CACNA2D3: variants seen among roughly 807,000 people sequenced by gnomAD.
The protein encoded by CACNA2D3 is voltage-dependent calcium channel subunit alpha-2/delta-3.
In CACNA2D3, 60 loss-of-function variants were observed where a neutral mutation model predicts 160.6. The observed-to-expected ratio is 0.37, with a 90% confidence interval of 0.30 to 0.46. The LOEUF (loss-of-function observed/expected upper bound fraction) is 0.46, where lower values mean the gene tolerates loss of function less well. Among genes scored for constraint, CACNA2D3 ranks in the 20% least tolerant of loss-of-function variants. The pLI is 1.00. For synonymous variants in CACNA2D3, 558 were observed against 492.9 expected, an observed-to-expected ratio of 1.13 and a Z score of -1.75; for missense variants, 1,205 against 1,365.0, an observed-to-expected ratio of 0.88 and a Z score of 1.85.
chr3:54,360,853 A>G (rs1000406710), intron 3 of CACNA2D3, among the ~76,000 whole-genome samples: 19 of 152,202 alleles, frequency 1.2e-4, no homozygotes, highest in Non-Finnish European at 1.5e-5. Flanking sequence ...ATATGGTCCA[A>G]TCAAGACCTG....
intron 35 of CACNA2D3, among the ~76,000 whole-genome samples, chr3:55,019,013 G>A (rs1703389388): frequency 6.7e-6 from 1 of 149,848 alleles, no homozygotes; most frequent in African/African-American, 2.5e-5. Context: ...AAACTCCTGG[G>A]CTCAAGCAGT....
Position 54,924,656 on chromosome 3 carries a change from G to A in CACNA2D3, c.2449+24788G>A, listed in dbSNP as rs201955269. On this transcript the variant is annotated intron_variant, in intron 27 of 37. Coordinates refer to ENST00000474759, the MANE Select transcript of CACNA2D3 (RefSeq NM_018398.3). ...ATTTCTCCAGCCAGAGTTTAAGACC[G>A]AGCAAGTGGCAATTGCATTTCCAGA... The A allele has an allele frequency of 1.1e-4, 172 of 1,614,058 alleles. 1 individual carries two copies. The East Asian group carries it at 1.7e-3, about 16-fold the overall frequency.
intron 29 of CACNA2D3, among the ~76,000 whole-genome samples, chr3:54,980,629 T>A (rs571445139): frequency 6.6e-6 from 1 of 152,228 alleles, no homozygotes; most frequent in Non-Finnish European, 1.5e-5. Context: ...ATTTTAATTA[T>A]GTACTAGGTG....
At chr3:54,129,863 C>T (rs1699673918) in intron 2 of CACNA2D3, among the ~76,000 whole-genome samples, 1 of 152,188 alleles carries the variant, frequency 6.6e-6, no homozygotes, top group African/African-American at 2.4e-5. Flanking sequence ...AAAATGGATG[C>T]TGCTCATCAC....
intron 3 of CACNA2D3, among the ~76,000 whole-genome samples, chr3:54,378,912 A>G (rs1019517439): frequency 3.3e-5 from 5 of 152,340 alleles, no homozygotes; most frequent in African/African-American, 1.2e-4. Context: ...CAAATTGGCC[A>G]TTCACACTGA....
chr3:54,164,335 G>A (rs1047395522), intron 2 of CACNA2D3, among the ~76,000 whole-genome samples: 46 of 152,238 alleles, frequency 3.0e-4, no homozygotes, highest in African/African-American at 1.1e-3. Context: ...ATCTCACCTC[G>A]AGAATCCTCC....
chr3:55,020,330 C>T (rs963014180), intron 35 of CACNA2D3, among the ~76,000 whole-genome samples: 11 of 148,126 alleles, frequency 7.4e-5, no homozygotes, highest in African/African-American at 2.0e-4. Context: ...ATGTACATAT[C>T]GTATGTATGT....
chr3:54,805,198 G>A (rs1575485041), intron 13 of CACNA2D3, among the ~76,000 whole-genome samples: 3 of 152,086 alleles, frequency 2.0e-5, no homozygotes, highest in South Asian at 2.1e-4. Context: ...AAATAACTAA[G>A]ATCAGAGCAG....
At chr3:54,312,778 A>T (rs1372083202) in intron 2 of CACNA2D3, among the ~76,000 whole-genome samples, 1 of 152,190 alleles carries the variant, frequency 6.6e-6, no homozygotes, top group Non-Finnish European at 1.5e-5. Flanking sequence ...GACAGAGAGA[A>T]TACAAAGTTT....
intron 2 of CACNA2D3, among the ~76,000 whole-genome samples, chr3:54,241,275 C>T (rs564111806): frequency 1.4e-4 from 22 of 152,278 alleles, no homozygotes; most frequent in African/African-American, 4.1e-4. Context: ...TGACTGGGGG[C>T]TCCCTGCGTG....
intron 3 of CACNA2D3, among the ~76,000 whole-genome samples, chr3:54,335,359 T>C (rs570136694): frequency 6.6e-6 from 1 of 152,310 alleles, no homozygotes; most frequent in African/African-American, 2.4e-5. Flanking sequence ...TGAGGGCTGC[T>C]GGTTGCTCAT....
At chr3:55,052,813 TTG>T (rs1209433002) in intron 35 of CACNA2D3, among the ~76,000 whole-genome samples, 1 of 152,142 alleles carries the variant, frequency 6.6e-6, no homozygotes, top group African/African-American at 2.4e-5. Context: ...TGCAGGTTCA[TTG>T]TGACTAACAT....
At chr3:54,949,134 T>C (rs1701691390) in intron 27 of CACNA2D3, among the ~76,000 whole-genome samples, 1 of 152,210 alleles carries the variant, frequency 6.6e-6, no homozygotes, top group Non-Finnish European at 1.5e-5. Flanking sequence ...AAACCCCCTC[T>C]TTCCTAAAAG....
chr3:54,452,914 T>C (rs898889142), intron 4 of CACNA2D3, among the ~76,000 whole-genome samples: 1 of 152,138 alleles, frequency 6.6e-6, no homozygotes, highest in Admixed American at 6.5e-5. Flanking sequence ...CATGTGGTCA[T>C]CTTCCCTCGG....
At chr3:54,780,501 T>C (rs1702512887) in intron 13 of CACNA2D3, among the ~76,000 whole-genome samples, 1 of 152,230 alleles carries the variant, frequency 6.6e-6, no homozygotes, top group African/African-American at 2.4e-5. Flanking sequence ...AAGTGTGGAA[T>C]GTGATTTTTT....
intron 13 of CACNA2D3, among the ~76,000 whole-genome samples, chr3:54,779,037 A>G (rs554369560): frequency 6.6e-6 from 1 of 152,296 alleles, no homozygotes; most frequent in East Asian, 1.9e-4. Flanking sequence ...GTCATTGTTA[A>G]GATAAAATTG....
At chr3:54,632,320 A>C (rs72870609) in intron 10 of CACNA2D3, 2 of 151,720 alleles carry the variant, frequency 1.3e-5, no homozygotes, top group African/African-American at 4.8e-5. Context: ...GTTTGGGAAA[A>C]TTTTTCCAGG....
At chr3:54,855,340 G>T (rs919739054) in intron 17 of CACNA2D3, among the ~76,000 whole-genome samples, 2 of 152,138 alleles carry the variant, frequency 1.3e-5, no homozygotes, top group African/African-American at 2.4e-5. Flanking sequence ...AGATGGGTGG[G>T]TGCGCCCCAC....
chr3:54,852,474 C>T (rs2106785421), intron 17 of CACNA2D3, among the ~76,000 whole-genome samples: 1 of 152,294 alleles, frequency 6.6e-6, no homozygotes, highest in South Asian at 2.1e-4. Flanking sequence ...GTTTTCCTAA[C>T]CCAAGAGTCC....
Sources: gnomAD v4.1 joint callset for allele counts (sites outside exome capture counted in the v4.1 genomes callset) on GRCh38, gnomAD v4.1.1 for gene constraint, MANE v1.5 for transcripts, NCBI Gene and HGNC (gene_info 2026-07-23, HGNC 2026-07-21) for gene names.